The following CA10 variants were observed in gnomAD, a reference collection of about 807,000 sequenced individuals.
CA10 encodes the protein carbonic anhydrase-related protein 10.
Under a neutral mutation model 44.2 loss-of-function variants are expected in CA10, and 14 were observed. The observed-to-expected ratio is 0.32, with a 90% CI of 0.21 to 0.50. CA10 has a LOEUF of 0.50. CA10 is among the 20% of genes least tolerant of loss of function. The probability of loss-of-function intolerance (pLI) is 0.99; values close to 1 mark genes in which losing one functional copy is unlikely to be tolerated. For missense variants in CA10, 350 were observed against 409.7 expected (o/e 0.85, Z 1.26); for synonymous variants, 159 against 141.6 (o/e 1.12, Z -0.87).
At chr17:51,717,829 G>GTGTTTATA (rs1337266806) in intron 4 of CA10, among the ~76,000 whole-genome samples, 1 of 7,918 alleles carries the variant, frequency 1.3e-4, no homozygotes, top group African/African-American at 3.4e-4. Context: ...ATATGTGTGT[G>GTGTTTATA]TATATATATA....
intron 6 of CA10, among the ~76,000 whole-genome samples, chr17:51,645,462 TGTTCA>T (rs1913289683): frequency 6.6e-6 from 1 of 152,174 alleles, no homozygotes. Context: ...GGAGGTACCA[TGTTCA>T]GGGCCAGGCA....
chr17:51,815,111 G>A (rs1907515011), intron 3 of CA10, among the ~76,000 whole-genome samples: 1 of 151,872 alleles, frequency 6.6e-6, no homozygotes, highest in South Asian at 2.1e-4. Context: ...CTCCACCCCC[G>A]CCTCCTGCCT....
At chr17:51,791,911 T>C (rs1319423007) in intron 3 of CA10, among the ~76,000 whole-genome samples, 2 of 152,204 alleles carry the variant, frequency 1.3e-5, no homozygotes, top group East Asian at 1.9e-4. Flanking sequence ...ACCTATGTAA[T>C]TCTGATTTGT....
At chr17:52,037,760 A>G (rs1598179601) in intron 2 of CA10, among the ~76,000 whole-genome samples, 1 of 152,076 alleles carries the variant, frequency 6.6e-6, no homozygotes, top group Non-Finnish European at 1.5e-5. Context: ...CCCAATACAC[A>G]CCGTGACTTT....
At chr17:51,810,174 TCA>T (rs753868786) in intron 3 of CA10, among the ~76,000 whole-genome samples, 1 of 152,216 alleles carries the variant, frequency 6.6e-6, no homozygotes, top group African/African-American at 2.4e-5. Flanking sequence ...GTTATGTTTC[TCA>T]GTTTGTCACT....
rs907159237 is a variant in CA10 at position 51,653,810 on chromosome 17, A to C, written c.466-74T>G. On this transcript the variant is annotated intron_variant, in intron 4 of 8. Coordinates refer to ENST00000451037, the MANE Select transcript of CA10 (RefSeq NM_020178.5). Reference sequence around the variant, plus strand: ...GGTATGAGGCATAGCACCTGCCCCTACATAAGGGTGAACTGCAAAGTATAT... The same window carrying C: ...GGTATGAGGCATAGCACCTGCCCCTCCATAAGGGTGAACTGCAAAGTATAT... 9 of 839,286 alleles carry C rather than the reference A, an allele frequency of 1.1e-5. No individual in the cohort carries two copies. The African/African-American group carries it at 1.5e-4, about 14-fold the overall frequency. 52.0% of individuals were successfully genotyped at this position (839,286 alleles called of 1,614,324 possible).
intron 3 of CA10, among the ~76,000 whole-genome samples, chr17:51,890,517 T>G (rs1488412356): frequency 6.6e-6 from 1 of 152,180 alleles, no homozygotes; most frequent in East Asian, 1.9e-4. Flanking sequence ...TTGTTTTTTT[T>G]GCCTTTTAAA....
intron 3 of CA10, among the ~76,000 whole-genome samples, chr17:51,915,165 G>T (rs981416020): frequency 1.6e-4 from 25 of 152,148 alleles, no homozygotes; most frequent in African/African-American, 6.0e-4. Flanking sequence ...ATTGAAAGGG[G>T]TCATCTTTAT....
At chr17:52,072,177 A>G in intron 2 of CA10, 142 bp downstream of exon 2, 1 of 588,400 alleles carries the variant, frequency 1.7e-6, no homozygotes. Flanking sequence ...CCTGTTACTT[A>G]ACAAACTTTG....
chr17:51,832,358 C>A (rs1908315068), intron 3 of CA10, among the ~76,000 whole-genome samples: 1 of 152,076 alleles, frequency 6.6e-6, no homozygotes, highest in Non-Finnish European at 1.5e-5. Flanking sequence ...ATGTATATAA[C>A]CCGGTAATTT....
At chr17:51,871,609 T>A (rs1979819264) in intron 3 of CA10, among the ~76,000 whole-genome samples, 2 of 151,844 alleles carry the variant, frequency 1.3e-5, no homozygotes, top group South Asian at 4.2e-4. Flanking sequence ...GGTCTTGAAC[T>A]CCTGACCTCA....
At chr17:52,152,087 C>T (rs1005660588) in intron 1 of CA10, among the ~76,000 whole-genome samples, 2 of 151,992 alleles carry the variant, frequency 1.3e-5, no homozygotes, top group Non-Finnish European at 2.9e-5. Flanking sequence ...TGAGACCCTA[C>T]CTCCAGCCCC....
chr17:52,023,711 T>G (rs958788955), intron 2 of CA10, among the ~76,000 whole-genome samples: 1 of 150,154 alleles, frequency 6.7e-6, no homozygotes, highest in Admixed American at 6.6e-5. Flanking sequence ...AAAAAAAACT[T>G]GCAAAGTATG....
At position 51,927,297 on chromosome 17, in the gene CA10, T is replaced by C. The variant is rs185991032; in HGVS notation, c.279+3693A>G. Among the ~76,000 whole-genome samples the C allele has an allele frequency of 8.1e-4, 123 of 152,288 alleles. No individual in the cohort carries two copies. The Middle Eastern group carries it at 0.01, about 13-fold the overall frequency. ...CTTAACTACTGAGGTGTCTATTTTATTAAATGAGTTAAAAGATGAGAAAAG... is the reference window on the plus strand; with the variant it reads ...CTTAACTACTGAGGTGTCTATTTTACTAAATGAGTTAAAAGATGAGAAAAG... On this transcript the variant is annotated intron_variant, in intron 3 of 8. Transcript: ENST00000451037.
intron 3 of CA10, among the ~76,000 whole-genome samples, chr17:51,808,585 A>G (rs1907228530): frequency 6.6e-6 from 1 of 152,228 alleles, no homozygotes; most frequent in African/African-American, 2.4e-5. Context: ...AAGCTAATAG[A>G]AAGCAAATAA....
chr17:51,634,988 C>T (rs775196990), intron 7 of CA10, among the ~76,000 whole-genome samples: 1 of 152,134 alleles, frequency 6.6e-6, no homozygotes, highest in Non-Finnish European at 1.5e-5. Flanking sequence ...GATGCTGGCT[C>T]TTTAAACCCA....
intron 3 of CA10, among the ~76,000 whole-genome samples, chr17:51,815,134 A>C (rs1177377176): frequency 6.6e-6 from 1 of 151,872 alleles, no homozygotes; most frequent in African/African-American, 2.4e-5. Context: ...GGACGTTTGA[A>C]AGTATCTGGG....
At chr17:52,147,877 A>AT (rs1406444653) in intron 1 of CA10, among the ~76,000 whole-genome samples, 10 of 151,986 alleles carry the variant, frequency 6.6e-5, no homozygotes, top group Admixed American at 6.5e-4. Context: ...ACCCCTTTTT[A>AT]TTTTTTTCTG....
At chr17:51,788,985 T>C (rs1390783104) in intron 3 of CA10, among the ~76,000 whole-genome samples, 2 of 152,228 alleles carry the variant, frequency 1.3e-5, no homozygotes, top group South Asian at 2.1e-4. Flanking sequence ...GTGTTTGTCA[T>C]ACAATTTAAT....
Sources: allele counts gnomAD v4.1 joint callset (sites outside exome capture counted in the v4.1 genomes callset), GRCh38; gene constraint gnomAD v4.1.1; transcripts MANE v1.5; gene names NCBI Gene and HGNC (gene_info 2026-07-23, HGNC 2026-07-21).